TDRD3: variants seen among roughly 807,000 people sequenced by gnomAD.
The protein encoded by TDRD3 is tudor domain containing 3.
A neutral mutation model predicts 86.7 loss-of-function variants in TDRD3; 45 were observed. That is an observed-to-expected ratio of 0.52 (90% confidence interval 0.41 to 0.67). TDRD3 has a LOEUF of 0.67. Among genes scored for constraint, TDRD3 ranks in the 30% least tolerant of loss-of-function variants. The pLI is 0.00. For synonymous variants in TDRD3, 298 were observed against 301.7 expected, an observed-to-expected ratio of 0.99 and a Z score of 0.13; for missense variants, 814 against 889.0, an observed-to-expected ratio of 0.92 and a Z score of 1.07.
chr13:60,431,726 G>C (rs1341454005), intron 1 of TDRD3, among the ~76,000 whole-genome samples: 1 of 139,606 alleles, frequency 7.2e-6, no homozygotes, highest in African/African-American at 2.6e-5. Context: ...AAAAAAAAAG[G>C]TGGAACTAAT....
intron 6 of TDRD3, among the ~76,000 whole-genome samples, chr13:60,484,303 A>T (rs568980445): frequency 1.3e-5 from 2 of 152,256 alleles, no homozygotes; most frequent in South Asian, 4.1e-4. Flanking sequence ...CATCAAATTG[A>T]TTCTCAACAA....
At chr13:60,448,675 ATT>A (rs1357595769) in intron 3 of TDRD3, among the ~76,000 whole-genome samples, 1 of 151,920 alleles carries the variant, frequency 6.6e-6, no homozygotes, top group Non-Finnish European at 1.5e-5. Context: ...TATGCAACTT[ATT>A]TTCTGAGTTT....
At chr13:60,511,264 T>G (rs1395110592) in intron 10 of TDRD3, among the ~76,000 whole-genome samples, 1 of 152,212 alleles carries the variant, frequency 6.6e-6, no homozygotes. Flanking sequence ...AGTAAATATT[T>G]TCTAAAATGG....
At chr13:60,501,585 T>C (rs1041578574) in intron 8 of TDRD3, among the ~76,000 whole-genome samples, 1 of 152,244 alleles carries the variant, frequency 6.6e-6, no homozygotes, top group African/African-American at 2.4e-5. Context: ...GCTTAAACTT[T>C]CCTACTTGTC....
chr13:60,430,272 G>T (rs1954920279), intron 1 of TDRD3, among the ~76,000 whole-genome samples: 1 of 152,138 alleles, frequency 6.6e-6, no homozygotes, highest in Non-Finnish European at 1.5e-5. Flanking sequence ...TCTCCTTGGG[G>T]TTAATTCTGG....
chr13:60,566,736 C>G (rs1451923092), intron 12 of TDRD3, among the ~76,000 whole-genome samples: 4 of 152,106 alleles, frequency 2.6e-5, no homozygotes, highest in Admixed American at 6.6e-5. Context: ...CAGTAAGAAA[C>G]CAGTGTGGCT....
At chr13:60,451,627 C>G (rs1490712012) in intron 3 of TDRD3, among the ~76,000 whole-genome samples, 5 of 152,104 alleles carry the variant, frequency 3.3e-5, no homozygotes, top group African/African-American at 9.7e-5. Flanking sequence ...GGAATATAAA[C>G]AGGAATGGAA....
chr13:60,404,380 G>A (rs1237054611), intron 1 of TDRD3, among the ~76,000 whole-genome samples: 32 of 146,552 alleles, frequency 2.2e-4, no homozygotes, highest in Non-Finnish European at 3.9e-4. Context: ...GCGGGATCTC[G>A]GCTCACTGCA....
chr13:60,400,181 G>C (rs1242179427), intron 1 of TDRD3, among the ~76,000 whole-genome samples: 1 of 152,138 alleles, frequency 6.6e-6, no homozygotes, highest in East Asian at 1.9e-4. Flanking sequence ...TAACTTCACG[G>C]GGAGAAGAAA....
chr13:60,553,783 C>T (rs544251018), intron 12 of TDRD3, among the ~76,000 whole-genome samples: 9 of 152,204 alleles, frequency 5.9e-5, no homozygotes, highest in Admixed American at 5.2e-4. Flanking sequence ...TCACCTCCCA[C>T]CAGGTCCCTC....
intron 1 of TDRD3, among the ~76,000 whole-genome samples, chr13:60,417,260 C>G (rs780369557): frequency 2.6e-5 from 4 of 152,078 alleles, no homozygotes; most frequent in Non-Finnish European, 5.9e-5. Flanking sequence ...AAGGGCTTCT[C>G]CTGCCTCAGC....
At chr13:60,530,893 C>T (rs1957568867) in intron 11 of TDRD3, among the ~76,000 whole-genome samples, 1 of 152,092 alleles carries the variant, frequency 6.6e-6, no homozygotes, top group African/African-American at 2.4e-5. Flanking sequence ...TGGGTGGATC[C>T]TTTAATAAGG....
At chr13:60,481,381 A>G (rs1956315006) in intron 5 of TDRD3, among the ~76,000 whole-genome samples, 1 of 135,844 alleles carries the variant, frequency 7.4e-6, no homozygotes, top group Non-Finnish European at 1.6e-5. Context: ...ATCTTCAATT[A>G]CACATACATT....
At chr13:60,507,581 A>C (rs771344372) in intron 8 of TDRD3, among the ~76,000 whole-genome samples, 4 of 152,214 alleles carry the variant, frequency 2.6e-5, no homozygotes, top group African/African-American at 4.8e-5. Flanking sequence ...CCTTCTCCTG[A>C]ATGACTACTG....
chr13:60,438,996 G>A (rs1480877790), intron 1 of TDRD3, among the ~76,000 whole-genome samples: 4 of 152,172 alleles, frequency 2.6e-5, no homozygotes, highest in South Asian at 4.2e-4. Context: ...GGGTAGAGAC[G>A]AATTTTTTTC....
chr13:60,450,480 C>G (rs1463238243), intron 3 of TDRD3, among the ~76,000 whole-genome samples: 4 of 152,146 alleles, frequency 2.6e-5, no homozygotes, highest in Non-Finnish European at 4.4e-5. Flanking sequence ...ACTTTATCCT[C>G]TGTCCTTAAT....
chr13:60,494,043 AATG>A (rs1359843306), intron 7 of TDRD3, among the ~76,000 whole-genome samples: 1 of 152,226 alleles, frequency 6.6e-6, no homozygotes, highest in Admixed American at 6.5e-5. Flanking sequence ...ACATAATTTT[AATG>A]ATTCAAGATA....
intron 12 of TDRD3, chr13:60,537,642 G>A (rs546451523): frequency 6.6e-5 from 10 of 152,138 alleles, no homozygotes; most frequent in African/African-American, 1.4e-4. Context: ...TAACTGATAA[G>A]TCATACTAGA....
chr13:60,414,393 CAA>C (rs1267947123), intron 1 of TDRD3, among the ~76,000 whole-genome samples: 1 of 152,016 alleles, frequency 6.6e-6, no homozygotes, highest in African/African-American at 2.4e-5. Context: ...GCTACAGGAG[CAA>C]AGAGTAGTTG....
Sources: allele counts gnomAD v4.1 joint callset (sites outside exome capture counted in the v4.1 genomes callset), GRCh38; gene constraint gnomAD v4.1.1; transcripts MANE v1.5; gene names NCBI Gene and HGNC (gene_info 2026-07-23, HGNC 2026-07-21).